The following PIK3CB variants were observed in gnomAD, a reference collection of about 807,000 sequenced individuals.
The protein encoded by PIK3CB is phosphatidylinositol-4,5-bisphosphate 3-kinase catalytic subunit beta, also known as phosphatidylinositol 4,5-bisphosphate 3-kinase catalytic subunit beta isoform.
PIK3CB carries 39 observed loss-of-function variants against 136.8 expected under a neutral mutation model. The observed-to-expected ratio is 0.29, with a 90% CI of 0.22 to 0.37. The LOEUF is 0.37. Among genes scored for constraint, PIK3CB ranks in the 10% least tolerant of loss-of-function variants. The pLI, the probability that PIK3CB is intolerant of heterozygous loss-of-function variation, is 1.00. For synonymous variants in PIK3CB, 428 were observed against 436.6 expected, an observed-to-expected ratio of 0.98 and a Z score of 0.25; for missense variants, 868 against 1,275.4, an observed-to-expected ratio of 0.68 and a Z score of 4.87.
At chr3:138,661,438 T>C (rs1012625213) in intron 21 of PIK3CB, among the ~76,000 whole-genome samples, 3 of 152,230 alleles carry the variant, frequency 2.0e-5, no homozygotes, top group Non-Finnish European at 4.4e-5. Context: ...CACTTCTCTA[T>C]CTCACTTTCT....
At chr3:138,749,776 T>G (rs2045432181) in intron 4 of PIK3CB, among the ~76,000 whole-genome samples, 1 of 152,250 alleles carries the variant, frequency 6.6e-6, no homozygotes, top group Non-Finnish European at 1.5e-5. Flanking sequence ...CATCCCTGAT[T>G]CACCTAATTG....
chr3:138,826,409 A>C, intron 1 of PIK3CB: 1 of 1,280,034 alleles, frequency 7.8e-7, no homozygotes, highest in South Asian at 1.3e-5. Flanking sequence ...TCAATCAGCC[A>C]TTTAGGTTTA....
intron 22 of PIK3CB, 78 bp from the exon 23 acceptor site, chr3:138,656,352 C>A (rs1163392228): frequency 7.0e-7 from 1 of 1,427,018 alleles, no homozygotes; most frequent in Admixed American, 2.0e-5. Context: ...ATTAAGAAAA[C>A]ACAGCTAGAC....
intron 8 of PIK3CB, among the ~76,000 whole-genome samples, chr3:138,727,460 C>T (rs560279026): frequency 6.6e-6 from 1 of 152,304 alleles, no homozygotes; most frequent in African/African-American, 2.4e-5. Context: ...GGCCACAGGG[C>T]AAGGATCTGA....
At chr3:138,744,327 G>A (rs2045304142) in intron 4 of PIK3CB, among the ~76,000 whole-genome samples, 4 of 142,984 alleles carry the variant, frequency 2.8e-5, no homozygotes, top group South Asian at 2.3e-4. Context: ...CCCGGGAGGC[G>A]GAGCTGGCAG....
At chr3:138,724,219 C>T (rs1418700206) in intron 8 of PIK3CB, among the ~76,000 whole-genome samples, 1 of 152,132 alleles carries the variant, frequency 6.6e-6, no homozygotes, top group Non-Finnish European at 1.5e-5. Context: ...GTTCAATTTG[C>T]TCTAACGGCT....
At chr3:138,703,338 G>C (rs1294632460) in intron 12 of PIK3CB, among the ~76,000 whole-genome samples, 8 of 152,190 alleles carry the variant, frequency 5.3e-5, no homozygotes, top group Non-Finnish European at 1.0e-4. Flanking sequence ...AAATTAAATA[G>C]TGCTTTGATT....
At chr3:138,773,935 G>A (rs569789311) in intron 2 of PIK3CB, among the ~76,000 whole-genome samples, 1 of 152,154 alleles carries the variant, frequency 6.6e-6, no homozygotes, top group South Asian at 2.1e-4. Context: ...CAATAACCAC[G>A]TTTTAAGGTA....
intron 2 of PIK3CB, 99 bp from the exon 3 acceptor site, chr3:138,759,458 C>A: frequency 1.5e-6 from 1 of 679,752 alleles, no homozygotes; most frequent in South Asian, 2.8e-5. Context: ...CCTTAGATTT[C>A]AATATAGCCA....
intron 2 of PIK3CB, among the ~76,000 whole-genome samples, chr3:138,788,329 ATAAACT>A (rs1437568124): frequency 1.3e-5 from 2 of 152,210 alleles, no homozygotes; most frequent in East Asian, 1.9e-4. Context: ...TTTTAAGGAA[ATAAACT>A]TAAAACATTC....
chr3:138,662,606 T>C lies in PIK3CB; in HGVS notation c.2796+1300A>G, dbSNP rs1228567322. Among the ~76,000 whole-genome samples the C allele has an allele frequency of 2.7e-4, 41 of 149,740 alleles. 1 individual carries two copies. Among genetic ancestry groups the C allele is most frequent in the African/African-American group, 4.9e-5 (2 of 40,462 alleles). The stretch of plus-strand genomic sequence containing the variant: ...TGTGTCTTTATAGCAGCATGATTTA[T>C]AGTCCTTTGGGTATATACCCAGTAA... On this transcript the variant is annotated intron_variant, in intron 21 of 23. Transcript: ENST00000674063.
At chr3:138,759,890 T>C (rs1319610495) in intron 2 of PIK3CB, among the ~76,000 whole-genome samples, 1 of 151,924 alleles carries the variant, frequency 6.6e-6, no homozygotes, top group Non-Finnish European at 1.5e-5. Context: ...ACAAGAACAA[T>C]TTGCAATCAA....
At chr3:138,751,215 T>C (rs111477732) in intron 4 of PIK3CB, among the ~76,000 whole-genome samples, 31 of 152,198 alleles carry the variant, frequency 2.0e-4, no homozygotes, top group African/African-American at 7.0e-4. Flanking sequence ...TCCTAGCACT[T>C]TGGGAGGCCG....
chr3:138,798,461 C>A (rs1464770255), intron 1 of PIK3CB, among the ~76,000 whole-genome samples: 2 of 152,134 alleles, frequency 1.3e-5, no homozygotes. Flanking sequence ...CTGTGCCTGG[C>A]CAGGAATCTG....
intron 8 of PIK3CB, among the ~76,000 whole-genome samples, chr3:138,718,345 T>G (rs1318859241): frequency 6.6e-6 from 1 of 152,170 alleles, no homozygotes; most frequent in Non-Finnish European, 1.5e-5. Flanking sequence ...AAGTGTCTGT[T>G]CATGTCATTT....
At chr3:138,693,117 C>A (rs2044043826) in intron 14 of PIK3CB, among the ~76,000 whole-genome samples, 1 of 152,150 alleles carries the variant, frequency 6.6e-6, no homozygotes, top group Non-Finnish European at 1.5e-5. Flanking sequence ...TTTTTTGAGA[C>A]AGGGTCTCAC....
intron 8 of PIK3CB, among the ~76,000 whole-genome samples, chr3:138,727,657 ATGT>A (rs575622243): frequency 6.4e-4 from 97 of 152,344 alleles, no homozygotes; most frequent in Middle Eastern, 3.4e-3. Context: ...TAGTAAGTAA[ATGT>A]TGTTTTAAGT....
intron 19 of PIK3CB, among the ~76,000 whole-genome samples, chr3:138,681,721 T>C (rs543242199): frequency 6.6e-6 from 1 of 152,350 alleles, no homozygotes; most frequent in East Asian, 1.9e-4. Flanking sequence ...TCTGGCTGTC[T>C]GTCCAAACCT....
At chr3:138,743,609 C>A (rs2045288103) in intron 4 of PIK3CB, among the ~76,000 whole-genome samples, 1 of 152,176 alleles carries the variant, frequency 6.6e-6, no homozygotes, top group African/African-American at 2.4e-5. Flanking sequence ...GTTACCCAGG[C>A]TGGAGTGCAG....
Sources: allele counts gnomAD v4.1 joint callset (sites outside exome capture counted in the v4.1 genomes callset), GRCh38; gene constraint gnomAD v4.1.1; transcripts MANE v1.5; gene names NCBI Gene and HGNC (gene_info 2026-07-23, HGNC 2026-07-21).